WDR7: variants seen among roughly 807,000 people sequenced by gnomAD.
WDR7 encodes WD repeat-containing protein 7.
A neutral mutation model predicts 169.4 loss-of-function variants in WDR7; 46 were observed. That is an observed-to-expected ratio of 0.27 (90% confidence interval 0.21 to 0.35). The LOEUF (loss-of-function observed/expected upper bound fraction) is 0.35. Among genes scored for constraint, WDR7 ranks in the 10% least tolerant of loss-of-function variants. The pLI, the probability that WDR7 is intolerant of heterozygous loss-of-function variation, is 1.00. For missense variants in WDR7, 1,534 were observed against 1,859.3 expected, an observed-to-expected ratio of 0.83 and a Z score of 3.22; for synonymous variants, 612 against 666.8, an observed-to-expected ratio of 0.92 and a Z score of 1.27.
At chr18:56,924,501 T>C (rs1202894563) in intron 22 of WDR7, among the ~76,000 whole-genome samples, 2 of 152,184 alleles carry the variant, frequency 1.3e-5, no homozygotes, top group African/African-American at 2.4e-5. Context: ...CACACTCATA[T>C]TAGCTTTTAA....
chr18:56,919,544 A>T (rs562194331), intron 21 of WDR7, among the ~76,000 whole-genome samples: 22 of 152,276 alleles, frequency 1.4e-4, no homozygotes, highest in Non-Finnish European at 2.9e-4. Context: ...CTGAAGGAGG[A>T]GAAAGTGGAC....
chr18:56,737,770 T>C (rs1271715293), intron 14 of WDR7, among the ~76,000 whole-genome samples: 1 of 152,172 alleles, frequency 6.6e-6, no homozygotes, highest in Non-Finnish European at 1.5e-5. Context: ...AAGGGCACTG[T>C]AAGGTACAGA....
chr18:56,957,517 G>A (rs2047270518), intron 25 of WDR7: 1 of 150,958 alleles, frequency 6.6e-6, no homozygotes, highest in African/African-American at 2.4e-5. Context: ...TCCAGATCCA[G>A]TAAATAGTTA....
intron 16 of WDR7, among the ~76,000 whole-genome samples, chr18:56,764,507 C>T (rs1045475300): frequency 6.6e-6 from 1 of 152,112 alleles, no homozygotes; most frequent in Non-Finnish European, 1.5e-5. Context: ...AGCTAATTAA[C>T]ATATCTATGA....
At chr18:56,808,629 G>A (rs12326951) in intron 19 of WDR7, among the ~76,000 whole-genome samples, 18,599 of 151,946 alleles carry the variant, frequency 0.12, 1,720 homozygotes, top group African/African-American at 0.25. Flanking sequence ...TTTTGTTCTC[G>A]CATTTCATGT....
chr18:56,803,875 C>T (rs534325056), intron 19 of WDR7, among the ~76,000 whole-genome samples: 14 of 152,302 alleles, frequency 9.2e-5, no homozygotes, highest in African/African-American at 2.9e-4. Context: ...CATCATGGCT[C>T]ACTGCAGCCT....
chr18:56,749,373 AGTGTGTGTGTGTTTGT>A (rs1339698014), intron 14 of WDR7, among the ~76,000 whole-genome samples: 79 of 127,154 alleles, frequency 6.2e-4, no homozygotes, highest in East Asian at 4.4e-3. Flanking sequence ...TATCTATAGA[AGTGTGTGTGTGTTTGT>A]GTGTGTGTGT....
intron 20 of WDR7, chr18:56,872,849 GT>G (rs945769722): frequency 6.6e-6 from 1 of 152,008 alleles, no homozygotes; most frequent in African/African-American, 2.4e-5. Flanking sequence ...CTGTAGAAAG[GT>G]TTACTTTTAC....
intron 20 of WDR7, among the ~76,000 whole-genome samples, chr18:56,833,470 TA>T (rs558788106): frequency 1.3e-5 from 2 of 151,774 alleles, no homozygotes; most frequent in Admixed American, 6.6e-5. Context: ...TAAAGTATAA[TA>T]AAAAAAATAA....
intron 22 of WDR7, 75 bp from the exon 23 acceptor site, chr18:56,935,713 A>T: frequency 7.2e-7 from 1 of 1,388,016 alleles, no homozygotes; most frequent in Non-Finnish European, 1.0e-6. Flanking sequence ...TGACATTATA[A>T]GCTGTGTCTA....
chr18:57,015,763 C>T (rs1275066501), intron 26 of WDR7, among the ~76,000 whole-genome samples: 1 of 152,198 alleles, frequency 6.6e-6, no homozygotes, highest in Non-Finnish European at 1.5e-5. Flanking sequence ...CCTCACTTGG[C>T]GTTGCCGGGT....
intron 20 of WDR7, among the ~76,000 whole-genome samples, chr18:56,866,865 T>G (rs568288669): frequency 3.3e-5 from 5 of 152,308 alleles, no homozygotes; most frequent in African/African-American, 1.2e-4. Context: ...TCTGAGCATT[T>G]CTAGCATAAA....
intron 26 of WDR7, among the ~76,000 whole-genome samples, chr18:57,005,680 G>A (rs773954225): frequency 2.0e-5 from 3 of 151,816 alleles, no homozygotes; most frequent in Non-Finnish European, 2.9e-5. Flanking sequence ...TATTTTTCCC[G>A]GTGTTTTTCA....
Position 56,923,934 on chromosome 18 carries a change from C to T in WDR7, c.3539C>T (p.Thr1180Met), listed in dbSNP as rs1287100597. The T allele has an allele frequency of 5.1e-6, 8 of 1,558,654 alleles. No individual in the cohort carries two copies. The highest frequency in any genetic ancestry group is 2.5e-5 in the South Asian group (2 of 80,056). ...TCTATAATTTCAGGCAAGGCACTGA[C>T]GTTTCTTCTGCTACAGCCTCCAAGC... Reference protein sequence around the residue: ...SLARHTCKALTFLLLQPPSPK... With the variant: ...SLARHTCKALMFLLLQPPSPK... Residue 1180 changes from threonine to methionine, a missense_variant, in exon 22 of 28, where the codon ACG becomes ATG. By Grantham distance (81) the Thr-to-Met change is moderately conservative. Coordinates refer to ENST00000254442, the MANE Select transcript of WDR7 (RefSeq NM_015285.3).
rs1007571886 is a variant in WDR7 at position 56,694,865 on chromosome 18, G to A, written c.1109-85G>A. 5.9e-6 allele frequency: 9 copies of A among 1,537,888 alleles called. No individual in the cohort carries two copies. In the African/African-American group the frequency reaches 9.8e-5, roughly 17 times the overall value. On this transcript the variant is annotated intron_variant, in intron 10 of 27. Coordinates refer to ENST00000254442, the MANE Select transcript of WDR7 (RefSeq NM_015285.3). ...ACATATATCATTTTCTTTGATTACT[G>A]GATCAATCAACATTATTTTAATGTT...
intron 26 of WDR7, among the ~76,000 whole-genome samples, chr18:56,962,968 A>G (rs1225230952): frequency 6.6e-6 from 1 of 152,180 alleles, no homozygotes; most frequent in Non-Finnish European, 1.5e-5. Context: ...AAAAAATCAC[A>G]ACAGCATTTA....
intron 19 of WDR7, among the ~76,000 whole-genome samples, chr18:56,792,852 C>T (rs1300390882): frequency 1.3e-5 from 2 of 151,916 alleles, no homozygotes; most frequent in African/African-American, 4.8e-5. Context: ...AGAGTTAATA[C>T]AATCTTTCCC....
chr18:56,893,182 T>C (rs1303386592), intron 21 of WDR7, among the ~76,000 whole-genome samples: 1 of 151,728 alleles, frequency 6.6e-6, no homozygotes, highest in Non-Finnish European at 1.5e-5. Flanking sequence ...GGTCACATTG[T>C]TTGCTGGTGA....
intron 14 of WDR7, 23 bp from the exon 15 acceptor site, chr18:56,756,560 T>C (rs1426694301): frequency 1.3e-6 from 2 of 1,518,576 alleles, no homozygotes; most frequent in Middle Eastern, 3.6e-4. Flanking sequence ...ATTATAACTA[T>C]CTTTTAAAAA....
Sources: gnomAD v4.1 joint callset for allele counts (sites outside exome capture counted in the v4.1 genomes callset) on GRCh38, gnomAD v4.1.1 for gene constraint, MANE v1.5 for transcripts, NCBI Gene and HGNC (gene_info 2026-07-23, HGNC 2026-07-21) for gene names.